UBQLN2: variants seen among roughly 807,000 people sequenced by gnomAD.
UBQLN2 encodes the protein ubiquilin-2.
In UBQLN2, 2 loss-of-function variants were observed where a neutral mutation model predicts 22.2. That is an observed-to-expected ratio of 0.09 (90% CI 0.04 to 0.28). The LOEUF is 0.28. Ranked by LOEUF, UBQLN2 falls within the 10% of genes least tolerant of loss-of-function variation. The probability of loss-of-function intolerance (pLI) is 1.00; values close to 1 mark genes in which losing one functional copy is unlikely to be tolerated. For missense variants in UBQLN2, 446 were observed against 505.1 expected (o/e 0.88, Z 1.12); for synonymous variants, 252 against 206.7 (o/e 1.22, Z -1.88).
At position 56,563,652 on chromosome X, in the gene UBQLN2, G is replaced by A. The variant is rs1255611081; in HGVS notation, c.-222G>A. The A allele has an allele frequency of 2.9e-6, 1 of 341,860 alleles. No homozygotes were observed. Among genetic ancestry groups the A allele is most frequent in the East Asian group, 4.5e-5 (1 of 22,036 alleles). The allele number at this position is 341,860 out of a possible 1,213,427, so 28.2% of individuals were successfully genotyped here. ...ACAAGGCGGCGGCGGAGGAGGCCCA[G>A]AGACCGGAGCGCGGAGACCTCAGCC... On this transcript the variant is annotated 5_prime_UTR_variant, in exon 1 of 1. Transcript: ENST00000338222.
In UBQLN2 at chrX:56,566,809, T is replaced by C. The variant is rs1205282945; in HGVS notation, c.*1061T>C. 2.4e-5 allele frequency: 3 copies of C among 123,300 alleles called. No homozygotes were observed. Among genetic ancestry groups the C allele is most frequent in the Non-Finnish European group, 5.6e-5 (3 of 53,205 alleles). 10.2% of individuals were successfully genotyped at this position (123,300 alleles called of 1,213,427 possible). On this transcript the variant is annotated 3_prime_UTR_variant, in exon 1 of 1. Coordinates refer to ENST00000338222, the MANE Select transcript of UBQLN2 (RefSeq NM_013444.4). ...TTGGAAATGTAACTTTCACTGAAAG[T>C]GTCATGTGATGTTTGCATTACTTTT...
In UBQLN2 at chrX:56,563,893, G is replaced by T; in HGVS notation, c.20G>T (p.Ser7Ile). 1 of 1,153,260 alleles carries T rather than the reference G, an allele frequency of 8.7e-7. No homozygotes were observed. Among genetic ancestry groups the T allele is most frequent in the Non-Finnish European group, 1.2e-6 (1 of 866,316 alleles). MAENGESSGPPRPSRGP... is the reference protein window; with the variant it reads MAENGEISGPPRPSRGP... ...GCCGCCATGGCTGAGAATGGCGAGAGCAGCGGCCCCCCGCGCCCCTCCCGC... is the reference window on the plus strand; with the variant it reads ...GCCGCCATGGCTGAGAATGGCGAGATCAGCGGCCCCCCGCGCCCCTCCCGC... The change falls in exon 1 of 1, where the codon AGC (serine) becomes ATC (isoleucine). Residue 7 changes from serine to isoleucine, a missense_variant. By Grantham distance (142) the Ser-to-Ile change is moderately radical. Coordinates refer to ENST00000338222, the MANE Select transcript of UBQLN2 (RefSeq NM_013444.4).
rs754399836 is a variant in UBQLN2, at chrX:56,565,451, C to T, written c.1578C>T (p.Gly526=). 8 of 1,195,174 alleles carry T rather than the reference C, an allele frequency of 6.7e-6. No homozygotes were observed. In the Admixed American group the frequency reaches 1.8e-4, roughly 27 times the overall value. The change falls in exon 1 of 1, where the codon GGC becomes GGT. Residue 526 remains glycine (G), a synonymous_variant. Transcript: ENST00000338222. ...IGPTGPAAPP[G]STGSGGPTGP... is the part of the protein sequence containing the mutation. ...CCACTGGCCCTGCAGCCCCCCCTGG[C>T]TCCACCGGCTCTGGTGGCCCCACGG...
In UBQLN2 at chrX:56,565,256, G is replaced by A. The variant is rs142250604; in HGVS notation, c.1383G>A (p.Gly461=). 4,263 of 1,210,925 alleles carry A rather than the reference G, an allele frequency of 3.5e-3. 7 individuals are homozygous for A. Among genetic ancestry groups the A allele is most frequent in the Middle Eastern group, 4.1e-3 (18 of 4,353 alleles). The change falls in exon 1 of 1, where the codon GGG becomes GGA. Residue 461 remains glycine (G), a synonymous_variant. Transcript: ENST00000338222. Reference sequence around the variant, plus strand: ...AGGCTTTAATGCAGATCCAGCAGGGGCTACAGACATTAGCCACTGAAGCAC... The same window carrying A: ...AGGCTTTAATGCAGATCCAGCAGGGACTACAGACATTAGCCACTGAAGCAC... ...AMQALMQIQQ[G]LQTLATEAPG... is the part of the protein sequence containing the mutation.
At position 56,566,357 on chromosome X, in the gene UBQLN2, T is replaced by C. The variant is rs980720288; in HGVS notation, c.*609T>C. ...TTTATACCATTGATCTTTTTTGCTATATTTGTATACAGTACAGTAAGCACA... is the reference window on the plus strand; with the variant it reads ...TTTATACCATTGATCTTTTTTGCTACATTTGTATACAGTACAGTAAGCACA... On this transcript the variant is annotated 3_prime_UTR_variant, in exon 1 of 1. Transcript: ENST00000338222. The C allele has an allele frequency of 1.5e-5, 2 of 134,145 alleles. No homozygotes were observed. Among genetic ancestry groups the C allele is most frequent in the African/African-American group, 6.4e-5 (2 of 31,022 alleles). The allele number at this position is 134,145 out of a possible 1,213,427, so 11.1% of individuals were successfully genotyped here.
At position 56,567,785 on chromosome X, in the gene UBQLN2, C is replaced by T. The variant is rs1289829350; in HGVS notation, c.*2037C>T. On this transcript the variant is annotated 3_prime_UTR_variant, in exon 1 of 1. Transcript: ENST00000338222. ...AATTATGTTATAATTATATGTTTTC[C>T]TTTTCAAAATTTATAACATAATTTC... 1.6e-5 allele frequency: 2 copies of T among 122,106 alleles called. No homozygotes were observed. Among genetic ancestry groups the T allele is most frequent in the African/African-American group, 6.5e-5 (2 of 30,580 alleles). The allele number at this position is 122,106 out of a possible 1,213,427, so 10.1% of individuals were successfully genotyped here.
In UBQLN2 at chrX:56,563,821, C is replaced by A; in HGVS notation, c.-53C>A. 2 of 988,235 alleles carry A rather than the reference C, an allele frequency of 2.0e-6. No individual in the cohort carries two copies. The highest frequency in any genetic ancestry group is 2.7e-6 in the Non-Finnish European group (2 of 728,795). 81.4% of individuals were successfully genotyped at this position (988,235 alleles called of 1,213,427 possible). On this transcript the variant is annotated 5_prime_UTR_variant, in exon 1 of 1. Coordinates refer to ENST00000338222, the MANE Select transcript of UBQLN2 (RefSeq NM_013444.4). Reference sequence around the variant, plus strand: ...CCTTCCTTCCTCCTTCCCTCGCGCTCTCTCTTTCGCCCGCCCGCGCCTTCC... The same window carrying A: ...CCTTCCTTCCTCCTTCCCTCGCGCTATCTCTTTCGCCCGCCCGCGCCTTCC...
Position 56,566,046 on chromosome X carries a change from G to C in UBQLN2, c.*298G>C. The C allele has an allele frequency of 2.6e-6, 1 of 381,602 alleles. No homozygotes were observed. The allele number at this position is 381,602 out of a possible 1,213,427, so 31.4% of individuals were successfully genotyped here. ...CTTCCTTAGCCGTTTTGAGTGGTGG[G>C]AATCAATGCTGTTTCACTCAAAAGT... On this transcript the variant is annotated 3_prime_UTR_variant, in exon 1 of 1. Coordinates refer to ENST00000338222, the MANE Select transcript of UBQLN2 (RefSeq NM_013444.4).
chrX:56,565,967 G>T lies in UBQLN2; in HGVS notation c.*219G>T. 3 of 449,654 alleles carry T rather than the reference G, an allele frequency of 6.7e-6. No individual in the cohort carries two copies. Among genetic ancestry groups the T allele is most frequent in the Non-Finnish European group, 1.2e-5 (3 of 252,936 alleles). 37.1% of individuals were successfully genotyped at this position (449,654 alleles called of 1,213,427 possible). Reference sequence around the variant, plus strand: ...ATTTTTCCTACCTTCCCTTCCTCTTGTCTCCCCACTCCCTCCCTCTTTGTT... The same window carrying T: ...ATTTTTCCTACCTTCCCTTCCTCTTTTCTCCCCACTCCCTCCCTCTTTGTT... On this transcript the variant is annotated 3_prime_UTR_variant, in exon 1 of 1. Coordinates refer to ENST00000338222, the MANE Select transcript of UBQLN2 (RefSeq NM_013444.4).
Position 56,563,787 on chromosome X carries a change from G to T in UBQLN2, c.-87G>T. On this transcript the variant is annotated 5_prime_UTR_variant, in exon 1 of 1. Coordinates refer to ENST00000338222, the MANE Select transcript of UBQLN2 (RefSeq NM_013444.4). The stretch of plus-strand genomic sequence containing the variant: ...GCCTGACCCGGCCCAGCCCGCTGCG[G>T]CGGTGCCTCCTTCCTTCCTCCTTCC... 1.3e-6 allele frequency: 1 copy of T among 745,252 alleles called. No individual in the cohort carries two copies. The highest frequency in any genetic ancestry group is 2.0e-6 in the Non-Finnish European group (1 of 512,655). The allele number at this position is 745,252 out of a possible 1,213,427, so 61.4% of individuals were successfully genotyped here.
In UBQLN2 at chrX:56,567,573, G is replaced by A. The variant is rs867521072; in HGVS notation, c.*1825G>A. 2 of 122,041 alleles carry A rather than the reference G, an allele frequency of 1.6e-5. No individual in the cohort carries two copies. Among genetic ancestry groups the A allele is most frequent in the Non-Finnish European group, 3.8e-5 (2 of 52,739 alleles). 10.1% of individuals were successfully genotyped at this position (122,041 alleles called of 1,213,427 possible). The stretch of plus-strand genomic sequence containing the variant: ...AATAAATATGTTCCTAGGTAATACA[G>A]ACATACAGGGAACACGTTGATACTG... On this transcript the variant is annotated 3_prime_UTR_variant, in exon 1 of 1. Transcript: ENST00000338222.
rs760503835 is a variant in UBQLN2, at chrX:56,564,980, G to T, written c.1107G>T (p.Met369Ile). Residue 369 changes from methionine (M) to isoleucine (I), a missense_variant, in exon 1 of 1, where the codon ATG becomes ATT. Met to Ile is a conservative substitution (Grantham distance 10). This residue lies in a region of UBQLN2 where 278 missense variants were observed against 279.4 expected (regional missense o/e 1.00). Coordinates refer to ENST00000338222, the MANE Select transcript of UBQLN2 (RefSeq NM_013444.4). ...YVASIFSTPG[M>I]QSLLQQITEN... is the part of the protein sequence containing the mutation. ...CCAGCATCTTTAGTACCCCAGGCAT[G>T]CAGAGCCTGCTGCAACAGATAACTG... is the stretch of plus-strand genomic sequence containing the variant. The T allele has an allele frequency of 1.7e-6, 2 of 1,211,769 alleles. No individual in the cohort carries two copies. The highest frequency in any genetic ancestry group is 2.2e-5 in the Admixed American group (1 of 46,101).
chrX:56,567,554 T>C lies in UBQLN2; in HGVS notation c.*1806T>C, dbSNP rs2068648557. ...TAAATCCTATATAATTTGTAATAAA[T>C]ATGTTCCTAGGTAATACAGACATAC... On this transcript the variant is annotated 3_prime_UTR_variant, in exon 1 of 1. Transcript: ENST00000338222. The C allele has an allele frequency of 8.1e-6, 1 of 122,962 alleles. No individual in the cohort carries two copies. Among genetic ancestry groups the C allele is most frequent in the Middle Eastern group, 4.6e-3 (1 of 216 alleles). The allele number at this position is 122,962 out of a possible 1,213,427, so 10.1% of individuals were successfully genotyped here.
Position 56,565,841 on chromosome X carries a change from A to T in UBQLN2, c.*93A>T. ...ACACACAAAATCGTTCTTTACTTTC[A>T]TTTTGATTCTTTTAAATCTGTCTAG... On this transcript the variant is annotated 3_prime_UTR_variant, in exon 1 of 1. Transcript: ENST00000338222. 1 of 911,039 alleles carries T rather than the reference A, an allele frequency of 1.1e-6. No individual in the cohort carries two copies. The highest frequency in any genetic ancestry group is 1.6e-6 in the Non-Finnish European group (1 of 641,041). The allele number at this position is 911,039 out of a possible 1,213,427, so 75.1% of individuals were successfully genotyped here.
chrX:56,565,071 A>G lies in UBQLN2; in HGVS notation c.1198A>G (p.Ser400Gly), dbSNP rs781734842. Residue 400 changes from serine (S) to glycine (G), a missense_variant, in exon 1 of 1, where the codon AGC becomes GGC. Ser to Gly is a moderately conservative substitution (Grantham distance 56). Transcript: ENST00000338222. ...CATGAGAAGCATGATGCAGTCGCTG[A>G]GCCAGAATCCAGATTTGGCTGCACA... ...PYMRSMMQSL[S>G]QNPDLAAQMM... 2.1e-5 allele frequency: 25 copies of G among 1,210,532 alleles called. No individual in the cohort carries two copies. The highest frequency in any genetic ancestry group is 8.7e-5 in the Admixed American group (4 of 45,903).
Position 56,565,145 on chromosome X carries a change from G to T in UBQLN2, c.1272G>T (p.Glu424Asp). 1 of 1,211,824 alleles carries T rather than the reference G, an allele frequency of 8.3e-7. No homozygotes were observed. Among genetic ancestry groups the T allele is most frequent in the Non-Finnish European group, 1.1e-6 (1 of 895,284 alleles). ...TTACTGCAAATCCTCAGCTGCAGGA[G>T]CAGATGCGGCCACAGCTCCCAGCCT... The part of the protein sequence containing the change: ...PLFTANPQLQ[E>D]QMRPQLPAFL... The change falls in exon 1 of 1, where the codon GAG becomes GAT. Residue 424 changes from glutamate to aspartate, a missense_variant. Physicochemically the swap from Glu to Asp is conservative, Grantham distance 45 (BLOSUM62 2). Transcript: ENST00000338222.
Position 56,565,918 on chromosome X carries a change from C to A in UBQLN2, c.*170C>A. 1 of 509,910 alleles carries A rather than the reference C, an allele frequency of 2.0e-6. No homozygotes were observed. The highest frequency in any genetic ancestry group is 3.4e-6 in the Non-Finnish European group (1 of 296,975). 42.0% of individuals were successfully genotyped at this position (509,910 alleles called of 1,213,427 possible). A position where few individuals can be genotyped will look rare whatever the true frequency, so the allele number is the denominator to read the frequency against. On this transcript the variant is annotated 3_prime_UTR_variant, in exon 1 of 1. Coordinates refer to ENST00000338222, the MANE Select transcript of UBQLN2 (RefSeq NM_013444.4). ...AGATGGAGTCCCTCCCTCCTACTTC[C>A]CTCACTCCCTTTCTCCTTTGCTTAT...
rs1339275690 is a variant in UBQLN2, at chrX:56,566,856, G to A, written c.*1108G>A. On this transcript the variant is annotated 3_prime_UTR_variant, in exon 1 of 1. Transcript: ENST00000338222. Reference sequence around the variant, plus strand: ...TTTTAACTGCTATGTATAAAGGAAAGTGTGTCTTTTGACTTCATCAGTTAT... The same window carrying A: ...TTTTAACTGCTATGTATAAAGGAAAATGTGTCTTTTGACTTCATCAGTTAT... The A allele has an allele frequency of 8.1e-6, 1 of 122,834 alleles. No individual in the cohort carries two copies. The highest frequency in any genetic ancestry group is 1.9e-5 in the Non-Finnish European group (1 of 53,121). The allele number at this position is 122,834 out of a possible 1,213,427, so 10.1% of individuals were successfully genotyped here.
rs1057515976 is a variant in UBQLN2 at position 56,565,043 on chromosome X, C to T, written c.1170C>T (p.Pro390=). The change falls in exon 1 of 1, where the codon CCC becomes CCT. Residue 390 remains proline (P), a synonymous_variant. Coordinates refer to ENST00000338222, the MANE Select transcript of UBQLN2 (RefSeq NM_013444.4). The part of the protein sequence containing the change: ...PQLIQNMLSA[P]YMRSMMQSLS... ...TGATTCAGAATATGCTGTCGGCGCCCTACATGAGAAGCATGATGCAGTCGC... is the reference window on the plus strand; with the variant it reads ...TGATTCAGAATATGCTGTCGGCGCCTTACATGAGAAGCATGATGCAGTCGC... The T allele has an allele frequency of 2.5e-6, 3 of 1,211,925 alleles. No homozygotes were observed. The highest frequency in any genetic ancestry group is 2.2e-6 in the Non-Finnish European group (2 of 895,435).
Sources: allele counts gnomAD v4.1 joint callset, GRCh38; gene constraint gnomAD v4.1.1; regional missense constraint gnomAD v4.1.1; transcripts MANE v1.5; gene names NCBI Gene and HGNC (gene_info 2026-07-23, HGNC 2026-07-21).